KDM4C: variants seen among roughly 807,000 people sequenced by gnomAD.
The protein encoded by KDM4C is lysine-specific demethylase 4C.
KDM4C carries 81 observed loss-of-function variants against 129.3 expected under a neutral mutation model. The ratio of observed to expected loss-of-function variants is 0.63; its 90% CI spans 0.52 to 0.75. The LOEUF (loss-of-function observed/expected upper bound fraction) is 0.75. Among genes scored for constraint, KDM4C ranks in the 30% least tolerant of loss-of-function variants. The pLI is 0.00. For missense variants in KDM4C, 1,457 were observed against 1,304.0 expected (o/e 1.12, Z -1.81); for synonymous variants, 573 against 456.1 (o/e 1.26, Z -3.26).
intron 8 of KDM4C, among the ~76,000 whole-genome samples, chr9:6,957,682 G>C (rs572042175): frequency 1.3e-5 from 2 of 152,136 alleles, no homozygotes; most frequent in Non-Finnish European, 2.9e-5. Context: ...AATGGAACCA[G>C]GAGTGGGTCT....
At chr9:6,845,211 G>A (rs905557860) in intron 4 of KDM4C, among the ~76,000 whole-genome samples, 1 of 152,136 alleles carries the variant, frequency 6.6e-6, no homozygotes, top group Non-Finnish European at 1.5e-5. Context: ...ATTTAGGAAT[G>A]CATTGATTGA....
chr9:6,737,515 T>G (rs1817561480), intron 1 of KDM4C, among the ~76,000 whole-genome samples: 1 of 150,186 alleles, frequency 6.7e-6, no homozygotes, highest in Non-Finnish European at 1.5e-5. Flanking sequence ...AATACAAAAA[T>G]TAGCTGGGCA....
At chr9:7,112,829 G>T (rs1838480359) in intron 18 of KDM4C, among the ~76,000 whole-genome samples, 1 of 152,146 alleles carries the variant, frequency 6.6e-6, no homozygotes, top group South Asian at 2.1e-4. Context: ...TGATCTGAAT[G>T]GTGTCATTTC....
At chr9:6,802,105 C>CA (rs34465609) in intron 2 of KDM4C, among the ~76,000 whole-genome samples, 29,980 of 117,540 alleles carry the variant, frequency 0.26, 3,055 homozygotes, top group Admixed American at 0.31. Context: ...AACTTTGTCT[C>CA]AAAAAAAAAA....
At chr9:6,867,465 A>T (rs1460064024) in intron 5 of KDM4C, among the ~76,000 whole-genome samples, 2 of 152,236 alleles carry the variant, frequency 1.3e-5, no homozygotes, top group East Asian at 3.8e-4. Context: ...AGATTCCTAT[A>T]TAAGGTAAGA....
intron 1 of KDM4C, among the ~76,000 whole-genome samples, chr9:6,741,185 C>T (rs1187386479): frequency 6.6e-6 from 1 of 151,788 alleles, no homozygotes; most frequent in Non-Finnish European, 1.5e-5. Context: ...ATCATGAGGT[C>T]AGGAGAATGG....
chr9:7,092,847 G>A (rs1473161128), intron 17 of KDM4C, among the ~76,000 whole-genome samples: 1 of 152,062 alleles, frequency 6.6e-6, no homozygotes, highest in Non-Finnish European at 1.5e-5. Flanking sequence ...GTAACTGACT[G>A]TTCTGTTTGA....
chr9:7,052,863 CAGAGAGAGAGAGAGAGAG>C (rs370475585), intron 17 of KDM4C, among the ~76,000 whole-genome samples: 2 of 41,074 alleles, frequency 4.9e-5, no homozygotes, highest in Non-Finnish European at 1.1e-4. Context: ...GCCACACCTG[CAGAGAGAGAGAGAGAGAG>C]AGAGAGAGAG....
chr9:6,764,836 A>T (rs376432928), intron 1 of KDM4C, among the ~76,000 whole-genome samples: 1 of 152,126 alleles, frequency 6.6e-6, no homozygotes, highest in East Asian at 1.9e-4. Context: ...TGGCATCTCT[A>T]CTTGTTAAGT....
intron 12 of KDM4C, among the ~76,000 whole-genome samples, chr9:7,006,003 T>A (rs1379890611): frequency 1.3e-5 from 2 of 152,234 alleles, no homozygotes; most frequent in Non-Finnish European, 2.9e-5. Flanking sequence ...TTACTTTACA[T>A]AAAAGTCGTT....
intron 1 of KDM4C, among the ~76,000 whole-genome samples, chr9:6,775,975 C>G (rs1822943945): frequency 6.6e-6 from 1 of 152,212 alleles, no homozygotes; most frequent in Non-Finnish European, 1.5e-5. Context: ...GCCAATGTCT[C>G]AAGGATACAA....
intron 8 of KDM4C, among the ~76,000 whole-genome samples, chr9:6,923,159 A>C (rs1163232588): frequency 2.0e-5 from 3 of 151,364 alleles, no homozygotes; most frequent in African/African-American, 7.3e-5. Flanking sequence ...TCCCCACTTC[A>C]CCTGGGGGCC....
intron 1 of KDM4C, among the ~76,000 whole-genome samples, chr9:6,775,403 C>T (rs1035915955): frequency 6.6e-6 from 1 of 152,006 alleles, no homozygotes; most frequent in Non-Finnish European, 1.5e-5. Flanking sequence ...TGATTCATTT[C>T]CTTATTTTCT....
At chr9:6,842,416 C>T (rs1837126464) in intron 4 of KDM4C, among the ~76,000 whole-genome samples, 2 of 148,976 alleles carry the variant, frequency 1.3e-5, no homozygotes, top group South Asian at 4.2e-4. Context: ...CTCACTGCAA[C>T]CTCCGCCTCC....
chr9:6,778,451 C>T (rs920795811), intron 1 of KDM4C, among the ~76,000 whole-genome samples: 2 of 151,980 alleles, frequency 1.3e-5, no homozygotes, highest in Admixed American at 6.6e-5. Flanking sequence ...TCTGCTTCCA[C>T]AGCTAAATAC....
chr9:6,982,019 A>G (rs1201120815), intron 9 of KDM4C: 2 of 152,774 alleles, frequency 1.3e-5, no homozygotes, highest in East Asian at 3.9e-4. Context: ...TCTTTCCAAA[A>G]TTGGGGCCAT....
intron 19 of KDM4C, among the ~76,000 whole-genome samples, chr9:7,159,906 G>C (rs1843599790): frequency 6.6e-6 from 1 of 152,156 alleles, no homozygotes. Context: ...CGTTCTCCTG[G>C]ATACTATCCT....
At chr9:6,843,260 C>T (rs1290943359) in intron 4 of KDM4C, among the ~76,000 whole-genome samples, 2 of 152,224 alleles carry the variant, frequency 1.3e-5, no homozygotes, top group Non-Finnish European at 2.9e-5. Flanking sequence ...AGGATGCTGA[C>T]AGCCCTCTTT....
chr9:6,878,042 A>T (rs1210294043), intron 5 of KDM4C, among the ~76,000 whole-genome samples: 1 of 152,216 alleles, frequency 6.6e-6, no homozygotes. Flanking sequence ...CATGGAGATG[A>T]GTGGGTTCAC....
Sources: gnomAD v4.1 joint callset for allele counts (sites outside exome capture counted in the v4.1 genomes callset) on GRCh38, gnomAD v4.1.1 for gene constraint, MANE v1.5 for transcripts, NCBI Gene and HGNC (gene_info 2026-07-23, HGNC 2026-07-21) for gene names.